ANKRD55: variants seen among roughly 807,000 people sequenced by gnomAD.
The protein encoded by ANKRD55 is ankyrin repeat domain 55.
A neutral mutation model predicts 60.6 loss-of-function variants in ANKRD55; 41 were observed. That is an observed-to-expected ratio of 0.68 (90% CI 0.53 to 0.88). The LOEUF is 0.88. Ranked by LOEUF, ANKRD55 falls within the 40% of genes least tolerant of loss-of-function variation. The pLI is 0.00. For synonymous variants in ANKRD55, 264 were observed against 290.3 expected (o/e 0.91, Z 0.92); for missense variants, 732 against 767.6 (o/e 0.95, Z 0.55).
intron 7 of ANKRD55, among the ~76,000 whole-genome samples, chr5:56,138,274 C>T (rs1385637866): frequency 6.6e-6 from 1 of 151,916 alleles, no homozygotes; most frequent in Non-Finnish European, 1.5e-5. Context: ...ATTACAGGCA[C>T]CCACTACCAT....
intron 8 of ANKRD55, among the ~76,000 whole-genome samples, chr5:56,118,829 A>G (rs1348282318): frequency 6.6e-6 from 1 of 152,090 alleles, no homozygotes; most frequent in Non-Finnish European, 1.5e-5. Flanking sequence ...TAAAACCACA[A>G]TGAAATACCA....
chr5:56,170,570 CAAAA>C (rs3047043), intron 5 of ANKRD55, 120 bp downstream of exon 5: 3 of 614,536 alleles, frequency 4.9e-6, no homozygotes, highest in Non-Finnish European at 8.0e-6. Context: ...GCTGCAACTT[CAAAA>C]AAAAAAAAAG....
chr5:56,187,256 C>T (rs1415235113), intron 2 of ANKRD55, among the ~76,000 whole-genome samples: 1 of 152,204 alleles, frequency 6.6e-6, no homozygotes, highest in Non-Finnish European at 1.5e-5. Flanking sequence ...AAACACAGGG[C>T]TTGCAACTTA....
chr5:56,148,295 T>C, intron 6 of ANKRD55, among the ~76,000 whole-genome samples: 1 of 152,170 alleles, frequency 6.6e-6, no homozygotes, highest in Non-Finnish European at 1.5e-5. Flanking sequence ...ATCTAGGAGC[T>C]GACAATCTAG....
intron 2 of ANKRD55, among the ~76,000 whole-genome samples, chr5:56,202,993 T>G (rs1461856893): frequency 6.6e-6 from 1 of 152,228 alleles, no homozygotes; most frequent in African/African-American, 2.4e-5. Flanking sequence ...TTCTTAAAAA[T>G]ATCTTAATCT....
chr5:56,223,975 C>T (rs1238333821), intron 2 of ANKRD55, among the ~76,000 whole-genome samples: 2 of 152,134 alleles, frequency 1.3e-5, no homozygotes, highest in Non-Finnish European at 2.9e-5. Flanking sequence ...CTCAGCTCTG[C>T]ACCAAGCGGA....
intron 6 of ANKRD55, among the ~76,000 whole-genome samples, chr5:56,159,116 G>A (rs779834410): frequency 2.0e-5 from 3 of 152,182 alleles, no homozygotes; most frequent in Non-Finnish European, 4.4e-5. Flanking sequence ...CTGAGTAGCT[G>A]TGACCACTGG....
chr5:56,184,728 T>G (rs1758930050), intron 2 of ANKRD55, among the ~76,000 whole-genome samples: 1 of 151,746 alleles, frequency 6.6e-6, no homozygotes. Context: ...TGAGACCCTC[T>G]CTCTACAAAA....
At chr5:56,166,106 CTTTCT>C (rs1758451340) in intron 5 of ANKRD55, among the ~76,000 whole-genome samples, 1 of 54,394 alleles carries the variant, frequency 1.8e-5, no homozygotes, top group Non-Finnish European at 3.8e-5. Flanking sequence ...TTCTTTCTTT[CTTTCT>C]TTCTTTCTTT....
At chr5:56,136,947 T>C (rs1757619482) in intron 7 of ANKRD55, 1 of 480,396 alleles carries the variant, frequency 2.1e-6, no homozygotes. Context: ...GGAGATGCTC[T>C]TTCCCTAAGT....
chr5:56,213,763 G>A (rs900513968), intron 2 of ANKRD55, among the ~76,000 whole-genome samples: 4 of 152,160 alleles, frequency 2.6e-5, no homozygotes, highest in African/African-American at 9.7e-5. Context: ...AGGACCAGAG[G>A]GCAGGGAAAG....
chr5:56,175,777 C>T (rs1758723197), intron 4 of ANKRD55, among the ~76,000 whole-genome samples: 1 of 152,160 alleles, frequency 6.6e-6, no homozygotes, highest in African/African-American at 2.4e-5. Context: ...TCCTACCCCA[C>T]AGATGTTAAT....
intron 7 of ANKRD55, 46 bp downstream of exon 7, chr5:56,143,755 T>C (rs761590515): frequency 6.2e-7 from 1 of 1,610,882 alleles, no homozygotes; most frequent in Non-Finnish European, 8.5e-7. Context: ...TTAACACTGC[T>C]TTCCACCATT....
intron 2 of ANKRD55, among the ~76,000 whole-genome samples, chr5:56,214,704 A>G (rs1019338204): frequency 1.3e-5 from 2 of 152,134 alleles, no homozygotes; most frequent in Non-Finnish European, 1.5e-5. Context: ...GCTGGGTTAT[A>G]TATTCACTAA....
At position 56,171,165 on chromosome 5, in the gene ANKRD55, G is replaced by A. The variant is rs544382724; in HGVS notation, c.313-362C>T. On this transcript the variant is annotated intron_variant, in intron 4 of 11. Coordinates refer to ENST00000341048, the MANE Select transcript of ANKRD55 (RefSeq NM_024669.3). ...CAAGCTCCTTTTCTAGTAACCACAA[G>A]GACAGCACCTTGCTTATTCAGGTCA... Among the ~76,000 whole-genome samples, 22 of 152,222 alleles carry A rather than the reference G, an allele frequency of 1.4e-4. No individual in the cohort carries two copies. In the South Asian group the frequency reaches 2.3e-3, roughly 16 times the overall value.
At chr5:56,102,646 T>A (rs1175893045) in intron 10 of ANKRD55, 60 bp from the exon 11 acceptor site, 1 of 1,164,238 alleles carries the variant, frequency 8.6e-7, no homozygotes, top group East Asian at 2.4e-5. Context: ...AATTACAGAA[T>A]GCAATGGATA....
intron 2 of ANKRD55, among the ~76,000 whole-genome samples, chr5:56,193,855 A>G (rs764065167): frequency 1.3e-5 from 2 of 152,202 alleles, no homozygotes; most frequent in Non-Finnish European, 2.9e-5. Flanking sequence ...ATATATCTAT[A>G]TATATAAGAA....
intron 2 of ANKRD55, among the ~76,000 whole-genome samples, chr5:56,214,467 C>T (rs965348904): frequency 9.2e-5 from 14 of 152,318 alleles, no homozygotes; most frequent in East Asian, 5.8e-4. Context: ...ATCTTTACAA[C>T]GATCCTATAA....
chr5:56,127,374 T>C (rs954813746), intron 7 of ANKRD55: 14 of 978,912 alleles, frequency 1.4e-5, no homozygotes, highest in Non-Finnish European at 1.7e-5. Context: ...GAAGGATGGA[T>C]TGAAATTAAA....
Sources: gnomAD v4.1 joint callset for allele counts (sites outside exome capture counted in the v4.1 genomes callset) on GRCh38, gnomAD v4.1.1 for gene constraint, MANE v1.5 for transcripts, NCBI Gene and HGNC (gene_info 2026-07-23, HGNC 2026-07-21) for gene names.